The following PARD3B variants were observed in gnomAD, a reference collection of about 807,000 sequenced individuals.
PARD3B encodes partitioning defective 3 homolog B.
PARD3B carries 103 observed loss-of-function variants against 130.2 expected under a neutral mutation model. The ratio of observed to expected loss-of-function variants is 0.79; its 90% CI spans 0.67 to 0.93. The LOEUF is 0.93. Ranked by LOEUF, PARD3B falls within the 40% of genes least tolerant of loss-of-function variation. The pLI is 0.00. For synonymous variants in PARD3B, 583 were observed against 553.2 expected, an observed-to-expected ratio of 1.05 and a Z score of -0.76; for missense variants, 1,609 against 1,499.2, an observed-to-expected ratio of 1.07 and a Z score of -1.21.
rs765823995 is a variant in PARD3B at position 204,546,054 on chromosome 2, G to A, written c.55G>A (p.Gly19Ser). The A allele has an allele frequency of 6.5e-5, 102 of 1,564,972 alleles. No homozygotes were observed. The highest frequency in any genetic ancestry group is 8.5e-5 in the Non-Finnish European group (98 of 1,154,092). The change falls in exon 1 of 23, where the codon GGC becomes AGC. Residue 19 changes from glycine (G) to serine (S), a missense_variant. Transcript: ENST00000406610. ...GGGCATCGTGGTGCCCTGCAAGGAG[G>A]GCCAGCTGCGCGTCGGCGAGCTCAC... The part of the protein sequence containing the change: ...RTGIVVPCKE[G>S]QLRVGELTQQ...
intron 1 of PARD3B, among the ~76,000 whole-genome samples, chr2:204,658,279 A>G (rs1426261398): frequency 1.3e-5 from 2 of 152,160 alleles, no homozygotes; most frequent in African/African-American, 2.4e-5. Flanking sequence ...GTTGCTTTAC[A>G]TAGTAAGTTA....
chr2:204,551,728 G>A (rs2030477589), intron 1 of PARD3B, among the ~76,000 whole-genome samples: 1 of 152,212 alleles, frequency 6.6e-6, no homozygotes, highest in African/African-American at 2.4e-5. Context: ...TAATCAAGTG[G>A]CTTAGTTAAC....
intron 1 of PARD3B, among the ~76,000 whole-genome samples, chr2:204,597,528 G>T (rs1251989355): frequency 6.6e-6 from 1 of 152,226 alleles, no homozygotes; most frequent in Admixed American, 6.5e-5. Flanking sequence ...TAACATGTGT[G>T]AATGTGCTTT....
At chr2:204,851,652 T>C (rs1178182725) in intron 2 of PARD3B, among the ~76,000 whole-genome samples, 3 of 152,170 alleles carry the variant, frequency 2.0e-5, no homozygotes, top group African/African-American at 7.2e-5. Context: ...TATTAATAAA[T>C]GGGCACATTG....
chr2:204,646,350 G>C lies in PARD3B; in HGVS notation c.121-39831G>C, dbSNP rs567816927. 3.8e-4 allele frequency among the ~76,000 whole-genome samples: 58 copies of C among 152,112 alleles called. 1 individual carries two copies. In the South Asian group the frequency reaches 0.012, roughly 30 times the overall value. The stretch of plus-strand genomic sequence containing the variant: ...CCTAATGTAGGACTCTAAACATTCA[G>C]TTTAGTTTTTCGTGTTTTTTGAACT... On this transcript the variant is annotated intron_variant, in intron 1 of 22. Coordinates refer to ENST00000406610, the MANE Select transcript of PARD3B (RefSeq NM_001302769.2).
intron 21 of PARD3B, among the ~76,000 whole-genome samples, chr2:205,542,499 C>A (rs1020021271): frequency 6.6e-6 from 1 of 152,064 alleles, no homozygotes; most frequent in Middle Eastern, 3.2e-3. Context: ...CAACTTCATT[C>A]ATCTTCCTAG....
rs1185440563 is a variant in PARD3B at position 205,288,992 on chromosome 2, A to G, written c.2186-11538A>G. On this transcript the variant is annotated intron_variant, in intron 16 of 22. Coordinates refer to ENST00000406610, the MANE Select transcript of PARD3B (RefSeq NM_001302769.2). The surrounding 1 kb of genome is among the most constrained non-coding windows in gnomAD (Gnocchi z 4.0). ...AAGTCCATGACCTTGTCTGATTTGT[A>G]ATTTTGTTGATGGTGTCATGGGTTA... 1.3e-5 allele frequency among the ~76,000 whole-genome samples: 2 copies of G among 152,162 alleles called. No homozygotes were observed. The highest frequency in any genetic ancestry group is 2.9e-5 in the Non-Finnish European group (2 of 68,024).
At chr2:205,254,010 T>G (rs1245674903) in intron 16 of PARD3B, among the ~76,000 whole-genome samples, 2 of 145,228 alleles carry the variant, frequency 1.4e-5, no homozygotes, top group Non-Finnish European at 3.0e-5. Context: ...GGTAGAAGAG[T>G]CTAGGATAGA....
At chr2:204,984,127 T>C (rs1474119582) in intron 3 of PARD3B, among the ~76,000 whole-genome samples, 1 of 151,934 alleles carries the variant, frequency 6.6e-6, no homozygotes, top group African/African-American at 2.4e-5. Flanking sequence ...ATCAAAATTA[T>C]ATATATATTT....
chr2:205,023,283 T>C (rs1048685399), intron 3 of PARD3B, among the ~76,000 whole-genome samples: 1 of 152,162 alleles, frequency 6.6e-6, no homozygotes, highest in African/African-American at 2.4e-5. Context: ...TTGGCACTCA[T>C]TAACACAGCA....
At chr2:205,099,444 CAA>C (rs1405049964) in intron 4 of PARD3B, among the ~76,000 whole-genome samples, 1 of 152,140 alleles carries the variant, frequency 6.6e-6, no homozygotes, top group Non-Finnish European at 1.5e-5. Context: ...AGATTTTTCT[CAA>C]AGTCATTTAA....
intron 16 of PARD3B, among the ~76,000 whole-genome samples, chr2:205,248,316 C>T (rs2039658479): frequency 6.6e-6 from 1 of 151,118 alleles, no homozygotes; most frequent in Admixed American, 6.6e-5. Flanking sequence ...GGAACTCACC[C>T]CTCACATAAA....
At chr2:204,577,060 C>T (rs917285749) in intron 1 of PARD3B, among the ~76,000 whole-genome samples, 11 of 151,878 alleles carry the variant, frequency 7.2e-5, no homozygotes, top group South Asian at 2.1e-4. Flanking sequence ...AGTTGGGTTT[C>T]GTAAATTGAT....
chr2:205,609,997 T>C (rs1377462735), intron 22 of PARD3B, among the ~76,000 whole-genome samples: 1 of 152,218 alleles, frequency 6.6e-6, no homozygotes, highest in African/African-American at 2.4e-5. Context: ...AATGATTTCT[T>C]TTAATAAATT....
chr2:204,642,687 C>G (rs1447553868), intron 1 of PARD3B, among the ~76,000 whole-genome samples: 8 of 152,120 alleles, frequency 5.3e-5, no homozygotes, highest in Non-Finnish European at 1.0e-4. Context: ...GCACTGTGTT[C>G]CCACTCAAGT....
intron 20 of PARD3B, among the ~76,000 whole-genome samples, chr2:205,442,481 T>C (rs2047753062): frequency 6.6e-6 from 1 of 152,080 alleles, no homozygotes; most frequent in South Asian, 2.1e-4. Flanking sequence ...TTTTGAATTT[T>C]TAGTAGAGAC....
chr2:204,793,408 G>A (rs2042263517), intron 2 of PARD3B, among the ~76,000 whole-genome samples: 1 of 152,108 alleles, frequency 6.6e-6, no homozygotes, highest in Admixed American at 6.5e-5. Context: ...AAATATATAT[G>A]CTTGTAGGAT....
chr2:205,326,522 G>A (rs562276540), intron 18 of PARD3B, among the ~76,000 whole-genome samples: 2 of 152,148 alleles, frequency 1.3e-5, no homozygotes, highest in Non-Finnish European at 1.5e-5. Context: ...CTATGAGCTA[G>A]AACGAAGGAG....
At chr2:204,950,742 A>C (rs183773880) in intron 2 of PARD3B, among the ~76,000 whole-genome samples, 1 of 152,250 alleles carries the variant, frequency 6.6e-6, no homozygotes, top group African/African-American at 2.4e-5. Context: ...CAGTCAAGAA[A>C]TATGAACTAG....
Sources: allele counts gnomAD v4.1 joint callset (sites outside exome capture counted in the v4.1 genomes callset), GRCh38; gene constraint gnomAD v4.1.1; non-coding constraint Gnocchi (gnomAD v3.1); transcripts MANE v1.5; gene names NCBI Gene and HGNC (gene_info 2026-07-23, HGNC 2026-07-21).